CNIH3: variants seen among roughly 807,000 people sequenced by gnomAD.
CNIH3 encodes the protein cornichon family AMPA receptor auxiliary protein 3, also known as protein cornichon homolog 3.
Under a neutral mutation model 24.1 loss-of-function variants are expected in CNIH3, and 14 were observed. The ratio of observed to expected loss-of-function variants is 0.58; its 90% confidence interval spans 0.38 to 0.91. The LOEUF (loss-of-function observed/expected upper bound fraction) is 0.91, where lower values mean the gene tolerates loss of function less well. Among genes scored for constraint, CNIH3 ranks in the 40% least tolerant of loss-of-function variants. CNIH3 has a pLI of 0.00. For missense variants in CNIH3, 178 were observed against 196.8 expected (o/e 0.90, Z 0.57); for synonymous variants, 68 against 73.8 (o/e 0.92, Z 0.40).
At chr1:224,660,196 C>T (rs1372619558) in intron 1 of CNIH3, among the ~76,000 whole-genome samples, 4 of 152,150 alleles carry the variant, frequency 2.6e-5, no homozygotes, top group South Asian at 4.2e-4. Context: ...TACAGTTCCA[C>T]GTGGCTGGGG....
In CNIH3 at chr1:224,586,529, C is replaced by T. The variant is rs545460560; in HGVS notation, n.621-1832C>T. Among the ~76,000 whole-genome samples, 257 of 152,260 alleles carry T rather than the reference C, an allele frequency of 1.7e-3. 1 individual carries two copies. The highest frequency in any genetic ancestry group is 2.9e-3 in the Non-Finnish European group (195 of 68,014). Reference sequence around the variant, plus strand: ...GATGAGATTTGGGTGGGGACACAGCCAAACCATATCAGGCCAGTACTTTGC... The same window carrying T: ...GATGAGATTTGGGTGGGGACACAGCTAAACCATATCAGGCCAGTACTTTGC... On this transcript the variant is annotated intron_variant and non_coding_transcript_variant, in intron 5 of 5. Transcript: ENST00000471578.
At chr1:224,694,147 G>T (rs1188599397) in intron 3 of CNIH3, among the ~76,000 whole-genome samples, 2 of 152,228 alleles carry the variant, frequency 1.3e-5, no homozygotes, top group Non-Finnish European at 2.9e-5. Flanking sequence ...GTTGCCAGCT[G>T]CCAGCTCCTT....
chr1:224,434,763 T>C (rs1337863533), exon 1 of CNIH3: 11 of 986,258 alleles, frequency 1.1e-5, no homozygotes, highest in African/African-American at 1.0e-4. Flanking sequence ...CTCTGCTCCC[T>C]GGTGTGTTGA....
At chr1:224,666,724 T>G (rs961314433) in intron 1 of CNIH3, among the ~76,000 whole-genome samples, 3 of 152,210 alleles carry the variant, frequency 2.0e-5, no homozygotes, top group Non-Finnish European at 4.4e-5. Flanking sequence ...TTTAGAAGTT[T>G]CTTCTTAGTA....
chr1:224,532,700 A>T, intron 2 of CNIH3, among the ~76,000 whole-genome samples: 1 of 152,256 alleles, frequency 6.6e-6, no homozygotes, highest in East Asian at 1.9e-4. Context: ...AAGACCTTTT[A>T]AATGATCTAG....
chr1:224,526,711 C>T (rs1678860757), intron 2 of CNIH3, among the ~76,000 whole-genome samples: 1 of 152,146 alleles, frequency 6.6e-6, no homozygotes, highest in Admixed American at 6.5e-5. Flanking sequence ...TCTTTCATTG[C>T]TACAAAGAAA....
At chr1:224,541,685 A>G (rs1679517579), downstream of CNIH3, among the ~76,000 whole-genome samples, 1 of 152,232 alleles carries the variant, frequency 6.6e-6, no homozygotes, top group African/African-American at 2.4e-5. Context: ...ACAAGCACAG[A>G]AAGAGCTCTG....
intron 4 of CNIH3, chr1:224,575,303 C>A: frequency 9.6e-7 from 1 of 1,038,152 alleles, no homozygotes; most frequent in Non-Finnish European, 1.5e-6. Context: ...ATATGACCAC[C>A]TTATTCAGTT....
chr1:224,700,001 T>A (rs1227466337), intron 3 of CNIH3, among the ~76,000 whole-genome samples: 1 of 152,170 alleles, frequency 6.6e-6, no homozygotes, highest in Non-Finnish European at 1.5e-5. Context: ...GCCCACCGCC[T>A]ACTGGACTGT....
intron 1 of CNIH3, among the ~76,000 whole-genome samples, chr1:224,664,257 G>A (rs1280410232): frequency 6.6e-6 from 1 of 152,160 alleles, no homozygotes; most frequent in Non-Finnish European, 1.5e-5. Context: ...CTGAGGGTCG[G>A]TTTTCTGAGG....
At chr1:224,598,254 A>C (rs1390884460) in intron 3 of CNIH3, among the ~76,000 whole-genome samples, 2 of 152,190 alleles carry the variant, frequency 1.3e-5, no homozygotes. Context: ...TGGAAATAGC[A>C]AGACAACTAG....
intron 1 of CNIH3, among the ~76,000 whole-genome samples, chr1:224,492,311 C>T (rs1677264088): frequency 6.6e-6 from 1 of 152,208 alleles, no homozygotes; most frequent in African/African-American, 2.4e-5. Flanking sequence ...TGTGTGTAGG[C>T]ATTCCTCCCC....
chr1:224,502,686 G>A (rs1347291689), intron 1 of CNIH3, among the ~76,000 whole-genome samples: 2 of 152,170 alleles, frequency 1.3e-5, no homozygotes, highest in African/African-American at 4.8e-5. Context: ...TCCCTGCCGA[G>A]TTCTACATAA....
At chr1:224,627,670 G>T (rs1312827348) in intron 1 of CNIH3, among the ~76,000 whole-genome samples, 1 of 152,226 alleles carries the variant, frequency 6.6e-6, no homozygotes, top group Non-Finnish European at 1.5e-5. Flanking sequence ...TGGGGACTGA[G>T]GCCCGCTCCT....
chr1:224,516,312 C>CAA (rs71574505), intron 1 of CNIH3, among the ~76,000 whole-genome samples: 15 of 67,734 alleles, frequency 2.2e-4, no homozygotes, highest in South Asian at 5.9e-4. Flanking sequence ...GACTCTGTCT[C>CAA]AAAAAAAAAA....
intron 1 of CNIH3, among the ~76,000 whole-genome samples, chr1:224,623,585 A>G (rs1046302389): frequency 2.7e-5 from 4 of 150,918 alleles, no homozygotes; most frequent in African/African-American, 9.8e-5. Context: ...ACTGTCCCCC[A>G]CCCCTGACTG....
At chr1:224,523,003 G>A (rs534135015) in intron 2 of CNIH3, among the ~76,000 whole-genome samples, 282 of 152,282 alleles carry the variant, frequency 1.9e-3, no homozygotes, top group Non-Finnish European at 2.9e-3. Flanking sequence ...GGGAACCTGA[G>A]GCAGGAGTAT....
rs116547930 is a variant in CNIH3, at chr1:224,649,586, A to G, written c.82-31372A>G. Reference sequence around the variant, plus strand: ...ATTTATTGGATGAATTATGAATTCTATATTTAACTCTAACCCCCAAGTAGG... The same window carrying G: ...ATTTATTGGATGAATTATGAATTCTGTATTTAACTCTAACCCCCAAGTAGG... On this transcript the variant is annotated intron_variant, in intron 1 of 5. Coordinates refer to ENST00000272133, the MANE Select transcript of CNIH3 (RefSeq NM_152495.2). Among the ~76,000 whole-genome samples the G allele has an allele frequency of 3.0e-3, 462 of 152,354 alleles. 2 individuals carry two copies. The highest frequency in any genetic ancestry group is 0.01 in the African/African-American group (426 of 41,576).
intron 2 of CNIH3, among the ~76,000 whole-genome samples, chr1:224,524,253 G>T (rs1230997800): frequency 6.6e-6 from 1 of 152,172 alleles, no homozygotes; most frequent in Non-Finnish European, 1.5e-5. Context: ...TGTCAGATCG[G>T]CTGGTCAAGG....
Sources: gnomAD v4.1 joint callset for allele counts (sites outside exome capture counted in the v4.1 genomes callset) on GRCh38, gnomAD v4.1.1 for gene constraint, MANE v1.5 for transcripts, NCBI Gene and HGNC (gene_info 2026-07-23, HGNC 2026-07-21) for gene names.